Variants in GALC observed in about 807,000 individuals in gnomAD.
GALC encodes galactosylceramidase.
A neutral mutation model predicts 91.8 loss-of-function variants in GALC; 77 were observed. That is an observed-to-expected ratio of 0.84 (90% CI 0.70 to 1.01). The LOEUF (loss-of-function observed/expected upper bound fraction) is 1.01. Among genes scored for constraint, GALC ranks in the 50% least tolerant of loss-of-function variants. GALC has a pLI of 0.00. For missense variants in GALC, 882 were observed against 855.9 expected (o/e 1.03, Z -0.38); for synonymous variants, 357 against 306.7 (o/e 1.16, Z -1.71).
intron 1 of GALC, chr14:87,992,548 T>C (rs956018118): frequency 9.2e-6 from 14 of 1,514,038 alleles, no homozygotes; most frequent in Non-Finnish European, 1.1e-5. Flanking sequence ...AGCATCCCAC[T>C]GGGGCGTTCT....
At chr14:87,977,140 C>A (rs77151798) in intron 6 of GALC, among the ~76,000 whole-genome samples, 17,205 of 151,392 alleles carry the variant, frequency 0.11, 1,142 homozygotes, top group Non-Finnish European at 0.16. Flanking sequence ...ACACAATAAT[C>A]AAATGGGTAA....
intron 12 of GALC, 48 bp downstream of exon 12, chr14:87,949,797 G>A (rs1479261622): frequency 2.2e-6 from 2 of 910,446 alleles, no homozygotes; most frequent in Non-Finnish European, 3.7e-6. Context: ...CCCTTTTACT[G>A]TTTTACTGTT....
At chr14:87,978,617 T>C (rs964051501) in intron 6 of GALC, among the ~76,000 whole-genome samples, 2 of 152,204 alleles carry the variant, frequency 1.3e-5, no homozygotes, top group Non-Finnish European at 2.9e-5. Context: ...GTTTTGGAAC[T>C]TTCTCATCCA....
Position 87,934,701 on chromosome 14 carries a change from T to C in GALC, c.*31A>G, listed in dbSNP as rs1015848350. 3.1e-6 allele frequency: 5 copies of C among 1,612,308 alleles called. No individual in the cohort carries two copies. The African/African-American group carries it at 6.7e-5, about 22-fold the overall frequency. ...CAAAACCAAAAAGAAGGGAAGAAAA[T>C]CCAGAGTATTCTATGATGCCCTGTT... is the stretch of plus-strand genomic sequence containing the variant. On this transcript the variant is annotated 3_prime_UTR_variant, in exon 17 of 17. Transcript: ENST00000261304.
intron 3 of GALC, chr14:87,987,125 A>C (rs763441177): frequency 4.6e-6 from 2 of 438,122 alleles, no homozygotes; most frequent in Non-Finnish European, 9.0e-6. Context: ...AAAATAACAA[A>C]ATTCTATACT....
chr14:87,949,165 G>C (rs1160397993), intron 12 of GALC, among the ~76,000 whole-genome samples: 1 of 149,200 alleles, frequency 6.7e-6, no homozygotes, highest in East Asian at 2.4e-4. Flanking sequence ...GTTGAGGAGA[G>C]GCCATTCTAG....
intron 7 of GALC, among the ~76,000 whole-genome samples, chr14:87,970,738 G>A (rs538043689): frequency 5.2e-4 from 78 of 150,926 alleles, no homozygotes; most frequent in Non-Finnish European, 1.1e-3. Context: ...GCGTGGAGGT[G>A]TGTGCCTGTA....
chr14:87,936,444 T>C (rs1884570854), intron 16 of GALC, among the ~76,000 whole-genome samples: 1 of 151,906 alleles, frequency 6.6e-6, no homozygotes, highest in Admixed American at 6.6e-5. Context: ...TATTGTCTAT[T>C]GTCTATGGCT....
intron 11 of GALC, 27 bp from the exon 12 acceptor site, chr14:87,949,958 G>A (rs763416384): frequency 3.0e-5 from 34 of 1,151,136 alleles, no homozygotes; most frequent in Non-Finnish European, 4.3e-5. Context: ...AAAAAGCATG[G>A]CTGAGTAATT....
chr14:87,968,920 CGAGT>C (rs1566993967), intron 7 of GALC, among the ~76,000 whole-genome samples: 1 of 152,022 alleles, frequency 6.6e-6, no homozygotes, highest in Non-Finnish European at 1.5e-5. Context: ...CAATAGTAAA[CGAGT>C]GAGGAGGAGG....
chr14:87,936,920 A>ATATATATATATATT lies in GALC; in HGVS notation c.1912-2043_1912-2042insAATATATATATATA, dbSNP rs1257801348. On this transcript the variant is annotated intron_variant, in intron 16 of 16. Transcript: ENST00000261304. ...ACTATATATATATATATATTTATTT[A>ATATATATATATATT]TTTTCTCATTGAATCTTCATAAGAA... 1.4e-4 allele frequency among the ~76,000 whole-genome samples: 20 copies of ATATATATATATATT among 141,394 alleles called. No individual in the cohort carries two copies. The East Asian group carries it at 4.2e-3, about 30-fold the overall frequency. 92.8% of individuals were successfully genotyped at this position (141,394 alleles called of 152,430 possible).
At position 87,934,238 on chromosome 14, in the gene GALC, A is replaced by T; in HGVS notation, c.*494T>A. 2 of 1,360,322 alleles carry T rather than the reference A, an allele frequency of 1.5e-6. No homozygotes were observed. Among genetic ancestry groups the T allele is most frequent in the Non-Finnish European group, 1.9e-6 (2 of 1,056,716 alleles). 84.3% of individuals were successfully genotyped at this position (1,360,322 alleles called of 1,614,324 possible). ...TACTTTTTAGAGCATAAAGCATAAC[A>T]GGTTGAAGTGGTTTTCAAAAAGCTA... On this transcript the variant is annotated 3_prime_UTR_variant, in exon 17 of 17. Coordinates refer to ENST00000261304, the MANE Select transcript of GALC (RefSeq NM_000153.4).
chr14:87,960,206 T>G (rs1004605688), intron 10 of GALC, among the ~76,000 whole-genome samples: 1 of 151,736 alleles, frequency 6.6e-6, no homozygotes, highest in African/African-American at 2.4e-5. Context: ...GAGGTGTAAG[T>G]TGATATCACA....
intron 14 of GALC, among the ~76,000 whole-genome samples, chr14:87,944,384 G>A (rs920924658): frequency 2.0e-5 from 3 of 151,896 alleles, no homozygotes; most frequent in Non-Finnish European, 2.9e-5. Context: ...TTCAAAACTG[G>A]AGATCAAAAC....
At chr14:87,990,978 T>C (rs1324077368) in intron 1 of GALC, among the ~76,000 whole-genome samples, 1 of 152,124 alleles carries the variant, frequency 6.6e-6, no homozygotes, top group African/African-American at 2.4e-5. Context: ...AAATTAGTAA[T>C]GTGCAAGACA....
In GALC at chr14:87,933,117, C is replaced by A. The variant is rs931865248; in HGVS notation, c.*1615G>T. 1 of 152,090 alleles carries A rather than the reference C, an allele frequency of 6.6e-6. No homozygotes were observed. Among genetic ancestry groups the A allele is most frequent in the Non-Finnish European group, 1.5e-5 (1 of 68,004 alleles). 9.4% of individuals were successfully genotyped at this position (152,090 alleles called of 1,614,324 possible). ...AAAACTCTTCAGAAATAAGAAGGAA[C>A]AAACCACTGAATCACACAACATGGA... On this transcript the variant is annotated 3_prime_UTR_variant, in exon 17 of 17. Transcript: ENST00000261304.
chr14:87,985,752 T>C (rs1886941992), intron 4 of GALC, among the ~76,000 whole-genome samples: 1 of 152,250 alleles, frequency 6.6e-6, no homozygotes, highest in Non-Finnish European at 1.5e-5. Flanking sequence ...CAAATTCATT[T>C]CAAATGATGA....
Position 87,938,320 on chromosome 14 carries a change from A to G in GALC, c.1911+1585T>C, listed in dbSNP as rs116454642. ...AACTTTTGGAGAAAAATAAAGCAAC[A>G]GAAAGGAGTTAGAGAGTGAGATGGG... On this transcript the variant is annotated intron_variant, in intron 16 of 16. Coordinates refer to ENST00000261304, the MANE Select transcript of GALC (RefSeq NM_000153.4). Among the ~76,000 whole-genome samples the G allele has an allele frequency of 6.0e-3, 913 of 152,134 alleles. 10 individuals carry two copies. The highest frequency in any genetic ancestry group is 0.021 in the African/African-American group (874 of 41,552).
At chr14:87,987,227 T>C (rs1287625416) in intron 3 of GALC, among the ~76,000 whole-genome samples, 1 of 152,242 alleles carries the variant, frequency 6.6e-6, no homozygotes, top group Admixed American at 6.5e-5. Flanking sequence ...TTCACCAACA[T>C]CTGCCCTTGC....
Sources: gnomAD v4.1 joint callset for allele counts (sites outside exome capture counted in the v4.1 genomes callset) on GRCh38, gnomAD v4.1.1 for gene constraint, MANE v1.5 for transcripts, NCBI Gene and HGNC (gene_info 2026-07-23, HGNC 2026-07-21) for gene names.